Variants in CLTRN observed in about 807,000 individuals in gnomAD.
The protein encoded by CLTRN is collectrin.
Under a neutral mutation model 14.5 loss-of-function variants are expected in CLTRN, and 12 were observed. That is an observed-to-expected ratio of 0.83 (90% CI 0.53 to 1.34). The LOEUF (loss-of-function observed/expected upper bound fraction) is 1.34, where lower values mean the gene tolerates loss of function less well. Ranked by LOEUF, CLTRN falls within the 40% of genes most tolerant of loss-of-function variation. The pLI is 0.00. For synonymous variants in CLTRN, 58 were observed against 56.5 expected (o/e 1.03, Z -0.12); for missense variants, 154 against 165.1 (o/e 0.93, Z 0.37).
chrX:15,651,391 T>C (rs1462262373), intron 3 of CLTRN, among the ~76,000 whole-genome samples: 3 of 110,796 alleles, frequency 2.7e-5, no homozygotes, highest in Non-Finnish European at 5.7e-5. Context: ...GAGCATTAAA[T>C]ACCAAAGTGG....
At chrX:15,661,777 A>G (rs1416689592) in intron 2 of CLTRN, among the ~76,000 whole-genome samples, 2 of 112,780 alleles carry the variant, frequency 1.8e-5, no homozygotes, top group Admixed American at 9.3e-5. Flanking sequence ...TATACTTGAC[A>G]CATAATAGGT....
At chrX:15,650,702 T>G (rs1929193655) in intron 3 of CLTRN, among the ~76,000 whole-genome samples, 2 of 111,992 alleles carry the variant, frequency 1.8e-5, no homozygotes, top group Non-Finnish European at 3.8e-5. Context: ...CGTCTCAAGA[T>G]TCTAAGCAAA....
chrX:15,644,238 G>C (rs1383569887), intron 4 of CLTRN, among the ~76,000 whole-genome samples: 1 of 111,555 alleles, frequency 9.0e-6, no homozygotes, highest in African/African-American at 3.3e-5. Context: ...CATCTCTTAC[G>C]GTCTTTGAGC....
At chrX:15,656,876 C>T (rs1426821283) in intron 3 of CLTRN, among the ~76,000 whole-genome samples, 1 of 111,040 alleles carries the variant, frequency 9.0e-6, no homozygotes, top group Non-Finnish European at 1.9e-5. Flanking sequence ...TCCAGTTTTG[C>T]AGTTTTGATT....
At chrX:15,669,571 G>T (rs764290548), upstream of CLTRN, among the ~76,000 whole-genome samples, 2 of 111,650 alleles carry the variant, frequency 1.8e-5, no homozygotes, top group African/African-American at 6.5e-5. Flanking sequence ...GCACTTTCTG[G>T]GCACATAACT....
At chrX:15,637,053 C>A (rs1928835264) in intron 5 of CLTRN, among the ~76,000 whole-genome samples, 1 of 111,048 alleles carries the variant, frequency 9.0e-6, no homozygotes, top group Non-Finnish European at 1.9e-5. Context: ...GAAATTTCCT[C>A]AATAGTAAGT....
chrX:15,629,192 C>G (rs968258164), intron 5 of CLTRN, among the ~76,000 whole-genome samples: 11 of 110,807 alleles, frequency 9.9e-5, no homozygotes, highest in African/African-American at 3.6e-4. Flanking sequence ...GTGGAAATGC[C>G]AAATAGCAGA....
At position 15,640,950 on chromosome X, in the gene CLTRN, T is replaced by C. The variant is rs183956784; in HGVS notation, c.318-1194A>G. Among the ~76,000 whole-genome samples, 190 of 111,485 alleles carry C rather than the reference T, an allele frequency of 1.7e-3. 2 individuals carry two copies. Among genetic ancestry groups the C allele is most frequent in the Middle Eastern group, 4.6e-3 (1 of 216 alleles). On this transcript the variant is annotated intron_variant, in intron 4 of 5. Transcript: ENST00000380342. The stretch of plus-strand genomic sequence containing the variant: ...GCAGAGGGAAGGGCCAAGTACACCA[T>C]TGTGAGAAGTCAGAGCTGCTTTGCT...
upstream of CLTRN, among the ~76,000 whole-genome samples, chrX:15,666,907 T>C (rs1346683626): frequency 8.9e-6 from 1 of 112,586 alleles, no homozygotes; most frequent in Non-Finnish European, 1.9e-5. Context: ...AGCATTTTAC[T>C]TACATCAAGG....
intron 4 of CLTRN, among the ~76,000 whole-genome samples, chrX:15,643,110 CA>C (rs199933506): frequency 2.8e-5 from 3 of 108,605 alleles, no homozygotes; most frequent in South Asian, 8.0e-4. Context: ...AAAAAGAAAA[CA>C]AAAAAAAACT....
chrX:15,675,088 G>A (rs1486297790), upstream of CLTRN: 1 of 113,254 alleles, frequency 8.8e-6, no homozygotes, highest in Non-Finnish European at 1.9e-5. Flanking sequence ...CAGGCAGCAA[G>A]GCTTAGCGGA....
At chrX:15,644,801 T>C in intron 4 of CLTRN, 115 bp downstream of exon 4, 1 of 474,057 alleles carries the variant, frequency 2.1e-6, no homozygotes, top group Non-Finnish European at 3.5e-6. Flanking sequence ...CTTTGTCATT[T>C]TAATAAATAA....
At chrX:15,633,212 T>C (rs1928742412) in intron 5 of CLTRN, among the ~76,000 whole-genome samples, 1 of 112,370 alleles carries the variant, frequency 8.9e-6, no homozygotes, top group Non-Finnish European at 1.9e-5. Flanking sequence ...ATGCTAATGA[T>C]AATATTAAGT....
At chrX:15,646,696 G>A (rs1929084840) in intron 3 of CLTRN, 4 of 341,764 alleles carry the variant, frequency 1.2e-5, no homozygotes, top group Non-Finnish European at 2.4e-5. Flanking sequence ...GAGGCCTGGA[G>A]GTGCTTTCCC....
rs920631702 is a variant in CLTRN at position 15,641,746 on chromosome X, T to C, written c.318-1990A>G. On this transcript the variant is annotated intron_variant, in intron 4 of 5. Coordinates refer to ENST00000380342, the MANE Select transcript of CLTRN (RefSeq NM_020665.6). Reference sequence around the variant, plus strand: ...TATTTTGTACAATGTCTTTGAAATTTGGCTTATGTTTTACACTGTGAGCAC... The same window carrying C: ...TATTTTGTACAATGTCTTTGAAATTCGGCTTATGTTTTACACTGTGAGCAC... Among the ~76,000 whole-genome samples, 4 of 109,999 alleles carry C rather than the reference T, an allele frequency of 3.6e-5. No homozygotes were observed. The Admixed American group carries it at 3.9e-4, about 11-fold the overall frequency.
intron 3 of CLTRN, chrX:15,646,629 C>A (rs934334447): frequency 2.2e-4 from 75 of 339,815 alleles, no homozygotes; most frequent in Non-Finnish European, 3.2e-4. Flanking sequence ...CGCCCGCATC[C>A]GCATCCGGAG....
At chrX:15,653,244 G>A (rs924612777) in intron 3 of CLTRN, among the ~76,000 whole-genome samples, 8 of 110,361 alleles carry the variant, frequency 7.2e-5, no homozygotes, top group Admixed American at 2.9e-4. Flanking sequence ...GTGCTTGCCC[G>A]GCAGGCCTCT....
intron 1 of CLTRN, among the ~76,000 whole-genome samples, chrX:15,671,866 A>G (rs1033072105): frequency 1.1e-5 from 1 of 92,418 alleles, no homozygotes; most frequent in Non-Finnish European, 2.2e-5. Flanking sequence ...ACACACACAC[A>G]CACACACACA....
chrX:15,659,184 C>T (rs755494704), intron 2 of CLTRN, 83 bp from the exon 3 acceptor site: 12 of 420,638 alleles, frequency 2.9e-5, no homozygotes, highest in African/African-American at 7.7e-5. Context: ...CTCCCTCTCT[C>T]TCTCTCTCCA....
Sources: allele counts gnomAD v4.1 joint callset (sites outside exome capture counted in the v4.1 genomes callset), GRCh38; gene constraint gnomAD v4.1.1; transcripts MANE v1.5; gene names NCBI Gene and HGNC (gene_info 2026-07-23, HGNC 2026-07-21).